Variants in UGT8 observed in about 807,000 individuals in gnomAD.
The protein encoded by UGT8 is 2-hydroxyacylsphingosine 1-beta-galactosyltransferase.
A neutral mutation model predicts 40.5 loss-of-function variants in UGT8; 12 were observed. The observed-to-expected ratio is 0.30, with a 90% CI of 0.19 to 0.48. The LOEUF is 0.48. Among genes scored for constraint, UGT8 ranks in the 20% least tolerant of loss-of-function variants. UGT8 has a pLI of 0.99. For missense variants in UGT8, 513 were observed against 648.7 expected (o/e 0.79, Z 2.27); for synonymous variants, 224 against 240.4 (o/e 0.93, Z 0.63).
intron 2 of UGT8, among the ~76,000 whole-genome samples, chr4:114,660,950 A>G (rs886887238): frequency 6.6e-6 from 1 of 151,534 alleles, no homozygotes; most frequent in Admixed American, 6.6e-5. Flanking sequence ...TTTGACTTCT[A>G]CTAGCGGAGG....
intron 1 of UGT8, 153 bp from the exon 2 acceptor site, chr4:114,622,726 T>A: frequency 2.9e-6 from 2 of 691,048 alleles, no homozygotes; most frequent in Non-Finnish European, 4.6e-6. Flanking sequence ...TTTGGCTGCA[T>A]AAATGTCTTC....
At chr4:114,646,478 C>T (rs1236643046) in intron 2 of UGT8, among the ~76,000 whole-genome samples, 1 of 151,884 alleles carries the variant, frequency 6.6e-6, no homozygotes, top group Non-Finnish European at 1.5e-5. Context: ...TAATAATCAT[C>T]AAGAGTATCA....
rs993096520 is a variant in UGT8 at position 114,657,745 on chromosome 4, A to T, written c.823-6250A>T. Among the ~76,000 whole-genome samples the T allele has an allele frequency of 6.6e-5, 10 of 151,492 alleles. No homozygotes were observed. In the South Asian group the frequency reaches 1.2e-3, roughly 19 times the overall value. On this transcript the variant is annotated intron_variant, in intron 2 of 5. Transcript: ENST00000310836. ...CATTTCAGTCCATAATCTGTGTATT[A>T]CTTATCAGATATCATGGCCAGGGAA... is the stretch of plus-strand genomic sequence containing the variant.
chr4:114,636,299 T>A (rs1287180038), intron 2 of UGT8, among the ~76,000 whole-genome samples: 1 of 152,234 alleles, frequency 6.6e-6, no homozygotes, highest in Non-Finnish European at 1.5e-5. Context: ...TTGAGTACTT[T>A]TGTTATTCTC....
intron 1 of UGT8, among the ~76,000 whole-genome samples, chr4:114,601,199 A>AT (rs1286941005): frequency 2.0e-5 from 3 of 152,144 alleles, no homozygotes; most frequent in South Asian, 2.1e-4. Flanking sequence ...GCTTATGACA[A>AT]TTTTTTTGGA....
intron 2 of UGT8, among the ~76,000 whole-genome samples, chr4:114,625,802 T>C (rs1446238306): frequency 6.6e-6 from 1 of 152,118 alleles, no homozygotes; most frequent in Non-Finnish European, 1.5e-5. Context: ...TTTTTAGTGG[T>C]TTTTGGTGCT....
intron 2 of UGT8, among the ~76,000 whole-genome samples, chr4:114,645,689 A>G (rs1733526896): frequency 6.6e-6 from 1 of 152,190 alleles, no homozygotes; most frequent in Non-Finnish European, 1.5e-5. Context: ...TAGTCATCGA[A>G]TATATACCAA....
chr4:114,633,026 G>A (rs971049317), intron 2 of UGT8, among the ~76,000 whole-genome samples: 1 of 152,032 alleles, frequency 6.6e-6, no homozygotes, highest in Non-Finnish European at 1.5e-5. Context: ...CAGATAAACC[G>A]ACTTGACTTT....
chr4:114,603,520 C>T lies in UGT8; in HGVS notation c.-3+4546C>T, dbSNP rs572325278. ...AGCAATAAAGAAAAACGAGAAGGTA[C>T]AGAACAAGAGAGGCAAGAGGAGAGT... On this transcript the variant is annotated intron_variant, in intron 1 of 5. Coordinates refer to ENST00000310836, the MANE Select transcript of UGT8 (RefSeq NM_001128174.3). 7.9e-5 allele frequency among the ~76,000 whole-genome samples: 12 copies of T among 152,056 alleles called. No homozygotes were observed. The East Asian group carries it at 2.3e-3, about 29-fold the overall frequency.
At chr4:114,666,584 C>T (rs1734897783) in intron 4 of UGT8, among the ~76,000 whole-genome samples, 1 of 151,916 alleles carries the variant, frequency 6.6e-6, no homozygotes, top group Admixed American at 6.6e-5. Context: ...ACTGTTATGA[C>T]TTAGATTCCT....
intron 2 of UGT8, among the ~76,000 whole-genome samples, chr4:114,629,781 A>G (rs1011077049): frequency 1.3e-5 from 2 of 152,186 alleles, no homozygotes; most frequent in African/African-American, 4.8e-5. Context: ...ATATGATAGG[A>G]GATCCAATAT....
intron 4 of UGT8, 86 bp downstream of exon 4, chr4:114,665,842 T>C (rs1734832920): frequency 9.4e-7 from 1 of 1,064,952 alleles, no homozygotes; most frequent in African/African-American, 1.6e-5. Flanking sequence ...ACTTCAGAGG[T>C]TCATACGGTA....
chr4:114,641,554 A>G (rs1325381614), intron 2 of UGT8, among the ~76,000 whole-genome samples: 2 of 152,182 alleles, frequency 1.3e-5, no homozygotes, highest in Non-Finnish European at 2.9e-5. Context: ...GATGCTAGAC[A>G]CAGGTTTATT....
chr4:114,615,780 C>T (rs899135919), intron 1 of UGT8, among the ~76,000 whole-genome samples: 1 of 152,194 alleles, frequency 6.6e-6, no homozygotes, highest in East Asian at 1.9e-4. Context: ...TTAAGTAGAA[C>T]TTATTTATGT....
chr4:114,659,631 C>T lies in UGT8; in HGVS notation c.823-4364C>T, dbSNP rs143068657. ...ATGCAGTGCTGGTCTACGTACAAGACGATGCAATTTCTAAATTCCTGTATT... is the reference window on the plus strand; with the variant it reads ...ATGCAGTGCTGGTCTACGTACAAGATGATGCAATTTCTAAATTCCTGTATT... On this transcript the variant is annotated intron_variant, in intron 2 of 5. Coordinates refer to ENST00000310836, the MANE Select transcript of UGT8 (RefSeq NM_001128174.3). Among the ~76,000 whole-genome samples, 84 of 152,210 alleles carry T rather than the reference C, an allele frequency of 5.5e-4. 1 individual carries two copies. The East Asian group carries it at 0.015, about 27-fold the overall frequency.
At position 114,672,838 on chromosome 4, in the gene UGT8, T is replaced by A. The variant is rs111993610; in HGVS notation, c.1263-3087T>A. Among the ~76,000 whole-genome samples the A allele has an allele frequency of 4.3e-3, 651 of 152,328 alleles. 7 individuals are homozygous for A. The highest frequency in any genetic ancestry group is 0.015 in the African/African-American group (629 of 41,574). ...CCCCCAAAAGTATTCCTTTTATTAA[T>A]CCACAACTTAAGTAAAATTACACAT... On this transcript the variant is annotated intron_variant, in intron 5 of 5. Transcript: ENST00000310836.
At chr4:114,605,727 C>T (rs1730690602) in intron 1 of UGT8, among the ~76,000 whole-genome samples, 1 of 151,986 alleles carries the variant, frequency 6.6e-6, no homozygotes, top group Non-Finnish European at 1.5e-5. Context: ...TGCAAATATG[C>T]TATATGTTCT....
At chr4:114,612,504 C>G (rs1157278460) in intron 1 of UGT8, among the ~76,000 whole-genome samples, 1 of 152,072 alleles carries the variant, frequency 6.6e-6, no homozygotes, top group Non-Finnish European at 1.5e-5. Context: ...GGCCCATCTA[C>G]CACGTATAGG....
chr4:114,626,655 G>T (rs2126101678), intron 2 of UGT8, among the ~76,000 whole-genome samples: 1 of 152,294 alleles, frequency 6.6e-6, no homozygotes, highest in African/African-American at 2.4e-5. Context: ...TAGATACAAA[G>T]ACTTCATCAA....
Sources: gnomAD v4.1 joint callset for allele counts (sites outside exome capture counted in the v4.1 genomes callset) on GRCh38, gnomAD v4.1.1 for gene constraint, MANE v1.5 for transcripts, NCBI Gene and HGNC (gene_info 2026-07-23, HGNC 2026-07-21) for gene names.